Variants in SLC35F4 observed in about 807,000 individuals in gnomAD.
SLC35F4 encodes the protein solute carrier family 35 member F4.
Under a neutral mutation model 44.2 loss-of-function variants are expected in SLC35F4, and 24 were observed. That is an observed-to-expected ratio of 0.54 (90% CI 0.39 to 0.76). SLC35F4 has a LOEUF of 0.76. Among genes scored for constraint, SLC35F4 ranks in the 30% least tolerant of loss-of-function variants. SLC35F4 has a pLI of 0.00. For synonymous variants in SLC35F4, 238 were observed against 223.6 expected (o/e 1.06, Z -0.57); for missense variants, 562 against 586.1 (o/e 0.96, Z 0.42).
chr14:57,900,483 A>G (rs1888976970), intron 1 of SLC35F4, among the ~76,000 whole-genome samples: 1 of 152,210 alleles, frequency 6.6e-6, no homozygotes, highest in Admixed American at 6.5e-5. Flanking sequence ...CCCCAAGGAA[A>G]GTGCCCCTCT....
chr14:57,571,844 A>T (rs1014749581), intron 5 of SLC35F4, 50 bp downstream of exon 5: 3 of 1,586,068 alleles, frequency 1.9e-6, no homozygotes, highest in Non-Finnish European at 2.6e-6. Context: ...TTAGTACTCA[A>T]GTCTAAGTTA....
intron 1 of SLC35F4, among the ~76,000 whole-genome samples, chr14:57,634,890 A>G (rs2140140807): frequency 6.6e-6 from 1 of 152,210 alleles, no homozygotes; most frequent in Middle Eastern, 3.4e-3. Context: ...GACAGACCTA[A>G]CAAGCCTTGG....
intron 1 of SLC35F4, among the ~76,000 whole-genome samples, chr14:57,621,598 A>G (rs1736886993): frequency 6.6e-6 from 1 of 152,252 alleles, no homozygotes; most frequent in Non-Finnish European, 1.5e-5. Flanking sequence ...TGGTGCTGGG[A>G]AAACTGGCTA....
intron 1 of SLC35F4, among the ~76,000 whole-genome samples, chr14:57,755,245 T>TG (rs1303107358): frequency 1.3e-5 from 2 of 152,048 alleles, no homozygotes. Flanking sequence ...GGCTTTCCAG[T>TG]GGGGGGCCCT....
intron 1 of SLC35F4, among the ~76,000 whole-genome samples, chr14:57,647,797 T>G (rs2073605093): frequency 6.6e-6 from 1 of 152,140 alleles, no homozygotes; most frequent in Admixed American, 6.6e-5. Context: ...ACCCTCAATA[T>G]GTAATCGGGT....
rs1385874750 is a variant in SLC35F4 at position 57,600,621 on chromosome 14, G to A, written c.104-6497C>T. Among the ~76,000 whole-genome samples, 9 of 140,178 alleles carry A rather than the reference G, an allele frequency of 6.4e-5. No individual in the cohort carries two copies. The South Asian group carries it at 2.2e-3, about 34-fold the overall frequency. 92.0% of individuals were successfully genotyped at this position (140,178 alleles called of 152,430 possible). Reference sequence around the variant, plus strand: ...GCAGGAGAATGGCGTGAACCCGGGAGGCGGAGCTTGCAGTGAGCCGAGATC... The same window carrying A: ...GCAGGAGAATGGCGTGAACCCGGGAAGCGGAGCTTGCAGTGAGCCGAGATC... On this transcript the variant is annotated intron_variant, in intron 1 of 7. Coordinates refer to ENST00000556826, the MANE Select transcript of SLC35F4 (RefSeq NM_001306087.2).
chr14:57,610,474 C>G (rs1420575316), intron 1 of SLC35F4, among the ~76,000 whole-genome samples: 2 of 152,192 alleles, frequency 1.3e-5, no homozygotes, highest in African/African-American at 2.4e-5. Flanking sequence ...AATGGTGAAG[C>G]TGAGCCTTAA....
intron 1 of SLC35F4, among the ~76,000 whole-genome samples, chr14:57,859,620 G>A (rs1270186520): frequency 6.6e-6 from 1 of 152,180 alleles, no homozygotes; most frequent in East Asian, 1.9e-4. Context: ...ATTTGATTAG[G>A]GGTGTGAGAT....
At chr14:57,857,432 A>T (rs73291489) in intron 1 of SLC35F4, among the ~76,000 whole-genome samples, 13,012 of 152,116 alleles carry the variant, frequency 0.086, 668 homozygotes, top group Middle Eastern at 0.15. Flanking sequence ...TATTTGATTC[A>T]TTCATTGCTG....
At chr14:57,630,165 G>T in intron 1 of SLC35F4, 1 of 559,034 alleles carries the variant, frequency 1.8e-6, no homozygotes. Flanking sequence ...TGCCTAGGGG[G>T]ATCAGAAGAC....
intron 2 of SLC35F4, among the ~76,000 whole-genome samples, chr14:57,590,226 C>A (rs976337374): frequency 3.5e-3 from 413 of 118,914 alleles, no homozygotes; most frequent in Admixed American, 4.8e-3. Context: ...CTTGTCTATG[C>A]AAAAAAAAAA....
intron 1 of SLC35F4, among the ~76,000 whole-genome samples, chr14:57,642,248 C>G (rs10483686): frequency 0.13 from 20,158 of 151,744 alleles, 1,588 homozygotes; most frequent in East Asian, 0.22. Flanking sequence ...CTACGTTTAA[C>G]TCTTTCCATT....
intron 1 of SLC35F4, among the ~76,000 whole-genome samples, chr14:57,655,415 C>T (rs1319001120): frequency 6.6e-6 from 1 of 151,966 alleles, no homozygotes; most frequent in Admixed American, 6.6e-5. Flanking sequence ...GATGTTTATA[C>T]CCACGTTGTC....
At position 57,676,923 on chromosome 14, in the gene SLC35F4, A is replaced by C. The variant is rs1406179612; in HGVS notation, c.104-82799T>G. Among the ~76,000 whole-genome samples, 4 of 152,116 alleles carry C rather than the reference A, an allele frequency of 2.6e-5. 1 individual carries two copies. The highest frequency in any genetic ancestry group is 9.7e-5 in the African/African-American group (4 of 41,360). ...AATCCCACTACTGGGACCTACCCAG[A>C]GGAAAATAAGTCATTATATGAAAAA... On this transcript the variant is annotated intron_variant, in intron 1 of 7. Transcript: ENST00000556826.
At chr14:57,827,523 T>A (rs1336749319) in intron 1 of SLC35F4, among the ~76,000 whole-genome samples, 4 of 152,230 alleles carry the variant, frequency 2.6e-5, no homozygotes, top group African/African-American at 9.6e-5. Flanking sequence ...TATTAAATTA[T>A]TTTTTTAAAA....
At chr14:57,740,924 G>A (rs1379212660) in intron 1 of SLC35F4, among the ~76,000 whole-genome samples, 2 of 151,964 alleles carry the variant, frequency 1.3e-5, no homozygotes, top group African/African-American at 2.4e-5. Flanking sequence ...CCTCTGAGAC[G>A]AAGCTGCTGT....
downstream of SLC35F4, among the ~76,000 whole-genome samples, chr14:57,973,745 G>A (rs1224621427): frequency 6.6e-6 from 1 of 152,160 alleles, no homozygotes; most frequent in African/African-American, 2.4e-5. Flanking sequence ...AAGAAAAGAA[G>A]TATAAGCAGA....
chr14:57,925,234 G>C (rs572444708), intron 1 of SLC35F4, among the ~76,000 whole-genome samples: 11 of 152,166 alleles, frequency 7.2e-5, no homozygotes, highest in Middle Eastern at 6.8e-3. Flanking sequence ...AGATTTGAAG[G>C]GCACAAATAT....
intron 1 of SLC35F4, among the ~76,000 whole-genome samples, chr14:57,624,129 T>A (rs1378311332): frequency 5.9e-5 from 9 of 152,178 alleles, no homozygotes; most frequent in Admixed American, 5.9e-4. Flanking sequence ...TCACCACTGA[T>A]TCCACAGAAA....
Sources: allele counts gnomAD v4.1 joint callset (sites outside exome capture counted in the v4.1 genomes callset), GRCh38; gene constraint gnomAD v4.1.1; transcripts MANE v1.5; gene names NCBI Gene and HGNC (gene_info 2026-07-23, HGNC 2026-07-21).